Variants in ABCC4 observed in about 807,000 individuals in gnomAD.
ABCC4 encodes the protein ATP binding cassette subfamily C member 4 (PEL blood group).
A neutral mutation model predicts 168.5 loss-of-function variants in ABCC4; 102 were observed. The observed-to-expected ratio is 0.61, with a 90% CI of 0.52 to 0.71. ABCC4 has a LOEUF of 0.71. Ranked by LOEUF, ABCC4 falls within the 30% of genes least tolerant of loss-of-function variation. The pLI, the probability that ABCC4 is intolerant of heterozygous loss-of-function variation, is 0.00. For missense variants in ABCC4, 1,402 were observed against 1,605.8 expected (o/e 0.87, Z 2.17); for synonymous variants, 617 against 590.7 (o/e 1.04, Z -0.65).
At chr13:95,082,167 T>C (rs895071979) in intron 21 of ABCC4, among the ~76,000 whole-genome samples, 1 of 152,176 alleles carries the variant, frequency 6.6e-6, no homozygotes, top group Admixed American at 6.5e-5. Context: ...GAGAGCTGAG[T>C]TGGCATTCAG....
At chr13:95,166,076 T>C in intron 15 of ABCC4, 82 bp downstream of exon 15, 4 of 1,267,188 alleles carry the variant, frequency 3.2e-6, no homozygotes, top group Non-Finnish European at 4.5e-6. Context: ...AAGATGAAGC[T>C]TTGAACAGAG....
At chr13:95,172,860 A>C (rs1296108854) in intron 13 of ABCC4, among the ~76,000 whole-genome samples, 1 of 152,186 alleles carries the variant, frequency 6.6e-6, no homozygotes, top group African/African-American at 2.4e-5. Flanking sequence ...TAGAAGTTGC[A>C]GTGGGCCGTG....
rs1483125824 is a variant in ABCC4, at chr13:95,020,446, A to G, written c.*1129T>C. 6 of 152,600 alleles carry G rather than the reference A, an allele frequency of 3.9e-5. No homozygotes were observed. In the East Asian group the frequency reaches 1.2e-3, roughly 29 times the overall value. 9.5% of individuals were successfully genotyped at this position (152,600 alleles called of 1,614,324 possible). A position where few individuals can be genotyped will look rare whatever the true frequency, so the allele number is the denominator to read the frequency against. ...AAGACTCATAGTTCAAATAAAGTAC[A>G]AAAGGTCCCAGGAAGTATTGTGGTT... is the stretch of plus-strand genomic sequence containing the variant. On this transcript the variant is annotated 3_prime_UTR_variant, in exon 31 of 31. Transcript: ENST00000645237.
At chr13:95,074,423 G>A (rs1386313711) in intron 22 of ABCC4, 99 bp from the exon 23 acceptor site, 3 of 910,998 alleles carry the variant, frequency 3.3e-6, no homozygotes, top group African/African-American at 1.7e-5. Flanking sequence ...GTGGAGTAGG[G>A]CACCAAAGTT....
chr13:95,210,457 C>CA (rs199925262), intron 5 of ABCC4, among the ~76,000 whole-genome samples: 151 of 150,284 alleles, frequency 1.0e-3, no homozygotes, highest in African/African-American at 3.6e-3. Flanking sequence ...CATGAAAATT[C>CA]AAAAAAAAAG....
chr13:95,081,808 C>T (rs541172453), intron 21 of ABCC4, among the ~76,000 whole-genome samples: 109 of 152,084 alleles, frequency 7.2e-4, no homozygotes, highest in South Asian at 1.7e-3. Flanking sequence ...CAAGACCAGC[C>T]TGGCCAACAT....
chr13:95,025,283 C>CCT (rs2031416539), intron 30 of ABCC4, among the ~76,000 whole-genome samples: 2 of 80,058 alleles, frequency 2.5e-5, no homozygotes, highest in Non-Finnish European at 4.8e-5. Flanking sequence ...CCACACACAC[C>CCT]CCCACACACA....
At chr13:95,089,158 T>C (rs1264391571) in intron 20 of ABCC4, among the ~76,000 whole-genome samples, 1 of 152,186 alleles carries the variant, frequency 6.6e-6, no homozygotes, top group African/African-American at 2.4e-5. Context: ...AATTCTATTA[T>C]TGAATTTAAG....
At chr13:95,201,976 G>GA (rs981461407) in intron 8 of ABCC4, among the ~76,000 whole-genome samples, 37 of 151,642 alleles carry the variant, frequency 2.4e-4, no homozygotes, top group African/African-American at 9.0e-4. Context: ...CATCTCAAAA[G>GA]AAAAAAAAGA....
At chr13:95,214,819 G>A (rs1422751650) in intron 4 of ABCC4, among the ~76,000 whole-genome samples, 1 of 148,166 alleles carries the variant, frequency 6.7e-6, no homozygotes, top group African/African-American at 2.5e-5. Flanking sequence ...CTGGGAGGCA[G>A]AGGTTGCAGT....
chr13:95,192,300 G>A (rs563432812), intron 9 of ABCC4, among the ~76,000 whole-genome samples: 1 of 152,028 alleles, frequency 6.6e-6, no homozygotes, highest in Non-Finnish European at 1.5e-5. Context: ...GCCCGTGTCT[G>A]TGCCCCTCCT....
intron 4 of ABCC4, among the ~76,000 whole-genome samples, chr13:95,219,294 G>A (rs1196395676): frequency 6.6e-6 from 1 of 152,070 alleles, no homozygotes; most frequent in Non-Finnish European, 1.5e-5. Flanking sequence ...CGACTGAGAG[G>A]GGAACAGAGA....
intron 1 of ABCC4, among the ~76,000 whole-genome samples, chr13:95,253,949 G>C (rs1386599422): frequency 2.6e-5 from 4 of 152,080 alleles, no homozygotes; most frequent in Admixed American, 2.6e-4. Context: ...CTGGAGTGCA[G>C]TGGCGCAATC....
At chr13:95,071,514 A>G (rs1369909067) in intron 25 of ABCC4, 148 bp downstream of exon 25, 4 of 637,736 alleles carry the variant, frequency 6.3e-6, no homozygotes, top group Non-Finnish European at 7.0e-6. Context: ...AGCAGGAAGA[A>G]TGTTGGTATC....
chr13:95,089,895 A>T (rs993307378), intron 20 of ABCC4, among the ~76,000 whole-genome samples: 5 of 152,094 alleles, frequency 3.3e-5, no homozygotes, highest in Non-Finnish European at 7.4e-5. Flanking sequence ...AAAAAAAAGA[A>T]GCCAATCCCA....
chr13:95,105,520 C>T (rs2034973021), intron 20 of ABCC4, among the ~76,000 whole-genome samples: 2 of 152,186 alleles, frequency 1.3e-5, no homozygotes, highest in Non-Finnish European at 1.5e-5. Flanking sequence ...AATACCTTAA[C>T]TTTCAGTTTC....
At chr13:95,060,470 G>A (rs2033244382) in intron 26 of ABCC4, among the ~76,000 whole-genome samples, 1 of 152,064 alleles carries the variant, frequency 6.6e-6, no homozygotes, top group South Asian at 2.1e-4. Flanking sequence ...AGTAATGCAG[G>A]GCACGTTCCT....
intron 20 of ABCC4, among the ~76,000 whole-genome samples, chr13:95,114,582 A>G (rs185223953): frequency 4.9e-4 from 75 of 152,316 alleles, no homozygotes; most frequent in Non-Finnish European, 7.3e-5. Context: ...AAGAAAAAAA[A>G]AAATCAGAGG....
At chr13:95,035,379 C>A (rs1006050889) in intron 29 of ABCC4, among the ~76,000 whole-genome samples, 2 of 152,066 alleles carry the variant, frequency 1.3e-5, no homozygotes, top group African/African-American at 4.8e-5. Context: ...AAAGGCTAGC[C>A]GAAAAAGCTG....
Sources: allele counts gnomAD v4.1 joint callset (sites outside exome capture counted in the v4.1 genomes callset), GRCh38; gene constraint gnomAD v4.1.1; transcripts MANE v1.5; gene names NCBI Gene and HGNC (gene_info 2026-07-23, HGNC 2026-07-21).